The following RPUSD4 variants were observed in gnomAD, a reference collection of about 807,000 sequenced individuals.
The protein encoded by RPUSD4 is pseudouridylate synthase RPUSD4, mitochondrial.
A neutral mutation model predicts 35.4 loss-of-function variants in RPUSD4; 37 were observed. That is an observed-to-expected ratio of 1.04 (90% CI 0.80 to 1.37). RPUSD4 has a LOEUF of 1.37. Among genes scored for constraint, RPUSD4 ranks in the 40% most tolerant of loss-of-function variants. The pLI is 0.00. For missense variants in RPUSD4, 507 were observed against 484.9 expected (o/e 1.05, Z -0.43); for synonymous variants, 210 against 192.7 (o/e 1.09, Z -0.74).
chr11:126,203,509 A>C lies in RPUSD4; in HGVS notation c.1043T>G (p.Phe348Cys). 6.2e-7 allele frequency: 1 copy of C among 1,614,222 alleles called. No individual in the cohort carries two copies. The highest frequency in any genetic ancestry group is 1.1e-5 in the South Asian group (1 of 91,088). The change falls in exon 7 of 7, where the codon TTC (phenylalanine) becomes TGC (cysteine). Residue 348 changes from phenylalanine (F) to cysteine (C), a missense_variant. By Grantham distance (205) the Phe-to-Cys change is radical. Transcript: ENST00000298317. Reference sequence around the variant, plus strand: ...CAGGCGGTGCAGGGAATGCACAAAGAAGCGAGGAAGTTTGCAGACCAAGTT... The same window carrying C: ...CAGGCGGTGCAGGGAATGCACAAAGCAGCGAGGAAGTTTGCAGACCAAGTT... ...ELNLVCKLPR[F>C]FVHSLHRLRL...
At chr11:126,205,406 C>A (rs184330871) in intron 5 of RPUSD4, 62 bp downstream of exon 5, 41 of 1,603,292 alleles carry the variant, frequency 2.6e-5, no homozygotes, top group Non-Finnish European at 3.4e-5. Flanking sequence ...AGAACGAGGC[C>A]CTGGACAAAA....
chr11:126,211,595 C>A lies in RPUSD4; in HGVS notation c.44G>T (p.Gly15Val). 6.2e-7 allele frequency: 1 copy of A among 1,614,132 alleles called. No homozygotes were observed. Among genetic ancestry groups the A allele is most frequent in the East Asian group, 2.2e-5 (1 of 44,870 alleles). Residue 15 changes from glycine to valine, a missense_variant, in exon 1 of 7, where the codon GGA becomes GTA. Gly to Val is a moderately radical substitution (Grantham distance 109, BLOSUM62 -3). Transcript: ENST00000298317. ...GAGACTCCCGCAACCTTGGCCGTTT[C>A]CCCGGATCCAGGGGCCCGACGCGCT... ...RWSASGPWIR[G>V]NGQGCGSLFT... is the part of the protein sequence containing the mutation.
chr11:126,210,362 C>T (rs141745445), intron 2 of RPUSD4, among the ~76,000 whole-genome samples: 384 of 152,152 alleles, frequency 2.5e-3, no homozygotes, highest in African/African-American at 8.9e-3. Context: ...CTAAAATGGG[C>T]CTTTTCCCTC....
At chr11:126,203,705 C>T in intron 6 of RPUSD4, 48 bp from the exon 7 acceptor site, 1 of 1,574,936 alleles carries the variant, frequency 6.3e-7, no homozygotes, top group African/African-American at 1.3e-5. Flanking sequence ...AACAGTCCAC[C>T]CTTGACGAAC....
rs2135104397 is a variant in RPUSD4 at position 126,209,727 on chromosome 11, G to A, written c.356-5C>T. 1 of 1,610,576 alleles carries A rather than the reference G, an allele frequency of 6.2e-7. No homozygotes were observed. Among genetic ancestry groups the A allele is most frequent in the South Asian group, 1.1e-5 (1 of 90,780 alleles). On this transcript the variant is annotated splice_polypyrimidine_tract_variant and splice_region_variant and intron_variant, in intron 2 of 6. Coordinates refer to ENST00000298317, the MANE Select transcript of RPUSD4 (RefSeq NM_032795.3). Reference sequence around the variant, plus strand: ...AGAGCTGGACCCCAGGGCCACCTAAGAAGGAAAAAGCCAAAGGTTTGAGCG... The same window carrying A: ...AGAGCTGGACCCCAGGGCCACCTAAAAAGGAAAAAGCCAAAGGTTTGAGCG...
At chr11:126,206,033 AT>A (rs1949771114) in intron 3 of RPUSD4, 1 of 365,784 alleles carries the variant, frequency 2.7e-6, no homozygotes, top group African/African-American at 2.1e-5. Flanking sequence ...AAAAAATTAC[AT>A]TAATAACATG....
At chr11:126,207,380 C>T (rs1175092035) in intron 3 of RPUSD4, among the ~76,000 whole-genome samples, 1 of 152,158 alleles carries the variant, frequency 6.6e-6, no homozygotes, top group Non-Finnish European at 1.5e-5. Context: ...AATACAGATG[C>T]CAATCCCCAC....
chr11:126,204,460 T>C (rs1949748100), intron 5 of RPUSD4, 132 bp from the exon 6 acceptor site: 1 of 618,208 alleles, frequency 1.6e-6, no homozygotes, highest in African/African-American at 1.8e-5. Context: ...TATAATAAAG[T>C]ATAACGAATA....
intron 3 of RPUSD4, among the ~76,000 whole-genome samples, chr11:126,206,972 C>A (rs1482127570): frequency 6.6e-6 from 1 of 152,144 alleles, no homozygotes; most frequent in Non-Finnish European, 1.5e-5. Flanking sequence ...CTCCATGAAC[C>A]TGATACCGAG....
rs7935403 is a variant in RPUSD4 at position 126,210,879 on chromosome 11, G to A, written c.355+11C>T. 1.2e-6 allele frequency: 2 copies of A among 1,610,266 alleles called. No individual in the cohort carries two copies. The highest frequency in any genetic ancestry group is 2.2e-5 in the East Asian group (1 of 44,802). On this transcript the variant is annotated intron_variant, in intron 2 of 6. Coordinates refer to ENST00000298317, the MANE Select transcript of RPUSD4 (RefSeq NM_032795.3). ...CTGCAGGTTCCTCCACCTTTCCCGC[G>A]TGGTCCTTACCATGCACAGGGAGAC...
Position 126,211,027 on chromosome 11 carries a change from A to C in RPUSD4, c.218T>G (p.Val73Gly). ...CCGTGTGAACCGCACTATTTCTTGC[A>C]CTCTCCGCTGAACAGCGTTTGTGGA... is the stretch of plus-strand genomic sequence containing the variant. ...PVSTNAVQRR[V>G]QEIVRFTRQL... Residue 73 changes from valine (V) to glycine (G), a missense_variant, in exon 2 of 7, where the codon GTG becomes GGG. Coordinates refer to ENST00000298317, the MANE Select transcript of RPUSD4 (RefSeq NM_032795.3). The C allele has an allele frequency of 1.2e-6, 2 of 1,613,634 alleles. No individual in the cohort carries two copies. Among genetic ancestry groups the C allele is most frequent in the Non-Finnish European group, 1.7e-6 (2 of 1,179,934 alleles).
chr11:126,204,930 A>G (rs187568612), intron 5 of RPUSD4, among the ~76,000 whole-genome samples: 1 of 152,176 alleles, frequency 6.6e-6, no homozygotes, highest in East Asian at 1.9e-4. Flanking sequence ...GGTACCTCAC[A>G]TGAGTGGAAT....
chr11:126,203,222 T>C lies in RPUSD4; in HGVS notation c.*196A>G. 1.4e-6 allele frequency: 1 copy of C among 697,844 alleles called. No individual in the cohort carries two copies. The highest frequency in any genetic ancestry group is 2.3e-6 in the Non-Finnish European group (1 of 430,144). 43.2% of individuals were successfully genotyped at this position (697,844 alleles called of 1,614,324 possible). A position where few individuals can be genotyped will look rare whatever the true frequency, so the allele number is the denominator to read the frequency against. ...CCAAACTATCAGTAAATAGACTTTG[T>C]TCTCCATTAAAAGCCCTGTAGCAGC... is the stretch of plus-strand genomic sequence containing the variant. On this transcript the variant is annotated 3_prime_UTR_variant, in exon 7 of 7. Coordinates refer to ENST00000298317, the MANE Select transcript of RPUSD4 (RefSeq NM_032795.3).
chr11:126,203,801 T>A, intron 6 of RPUSD4, 144 bp from the exon 7 acceptor site: 1 of 1,095,944 alleles, frequency 9.1e-7, no homozygotes, highest in Non-Finnish European at 1.3e-6. Context: ...TTCAGTGGCA[T>A]GTCTAAGAAC....
Position 126,203,244 on chromosome 11 carries a change from C to T in RPUSD4, c.*174G>A, listed in dbSNP as rs2135094039. 1 of 841,142 alleles carries T rather than the reference C, an allele frequency of 1.2e-6. No individual in the cohort carries two copies. The highest frequency in any genetic ancestry group is 2.5e-5 in the East Asian group (1 of 39,598). The allele number at this position is 841,142 out of a possible 1,614,324, so 52.1% of individuals were successfully genotyped here. A position where few individuals can be genotyped will look rare whatever the true frequency, so the allele number is the denominator to read the frequency against. On this transcript the variant is annotated 3_prime_UTR_variant, in exon 7 of 7. Coordinates refer to ENST00000298317, the MANE Select transcript of RPUSD4 (RefSeq NM_032795.3). The stretch of plus-strand genomic sequence containing the variant: ...TTGTTCTCCATTAAAAGCCCTGTAG[C>T]AGCTGAGTTGCTTTACCTTATCCCA...
intron 2 of RPUSD4, among the ~76,000 whole-genome samples, chr11:126,210,551 C>CA (rs369874015): frequency 0.057 from 8,264 of 145,458 alleles, 389 homozygotes; most frequent in African/African-American, 0.12. Flanking sequence ...ACACACACAC[C>CA]CCCTTTTTTC....
chr11:126,205,827 G>A, intron 3 of RPUSD4, 46 bp from the exon 4 acceptor site: 2 of 1,465,918 alleles, frequency 1.4e-6, no homozygotes, highest in Non-Finnish European at 1.8e-6. Flanking sequence ...AGCCAGAGAA[G>A]AACTCCTAGA....
chr11:126,210,520 T>TACACACAC (rs1555047309), intron 2 of RPUSD4, among the ~76,000 whole-genome samples: 6 of 60,254 alleles, frequency 1.0e-4, no homozygotes, highest in Admixed American at 8.3e-4. Context: ...CCAACATACA[T>TACACACAC]ACACACACAC....
rs147133603 is a variant in RPUSD4 at position 126,205,599 on chromosome 11, G to A, written c.665C>T (p.Pro222Leu). ...QQQHHKMTLS[P>L]SYRMDDGKMV... is the part of the protein sequence containing the mutation. ...TTTCCCATCGTCCATGCGGTAGCTC[G>A]GGGACAATGTCATCTGAAGCCAAAG... The change falls in exon 5 of 7, where the codon CCG (proline) becomes CTG (leucine). Residue 222 changes from proline (P) to leucine (L), a missense_variant. Physicochemically the swap from Pro to Leu is moderately conservative, Grantham distance 98 (BLOSUM62 -3). Transcript: ENST00000298317. 859 of 1,614,190 alleles carry A rather than the reference G, an allele frequency of 5.3e-4. No homozygotes were observed. Among genetic ancestry groups the A allele is most frequent in the Non-Finnish European group, 6.5e-4 (763 of 1,179,976 alleles).
Sources: allele counts gnomAD v4.1 joint callset (sites outside exome capture counted in the v4.1 genomes callset), GRCh38; gene constraint gnomAD v4.1.1; transcripts MANE v1.5; gene names NCBI Gene and HGNC (gene_info 2026-07-23, HGNC 2026-07-21).